RANBP2: variants seen among roughly 807,000 people sequenced by gnomAD.
RANBP2 encodes the protein RAN binding protein 2, also known as E3 SUMO-protein ligase RanBP2.
In RANBP2, 57 loss-of-function variants were observed where a neutral mutation model predicts 303.6. The ratio of observed to expected loss-of-function variants is 0.19; its 90% CI spans 0.15 to 0.23. The LOEUF is 0.23. Ranked by LOEUF, RANBP2 falls within the 10% of genes least tolerant of loss-of-function variation. The pLI is 1.00. For synonymous variants in RANBP2, 1,167 were observed against 1,301.5 expected (o/e 0.90, Z 2.23); for missense variants, 3,138 against 3,780.8 (o/e 0.83, Z 4.46).
the RANBP2 span, among the ~76,000 whole-genome samples, chr2:109,307,807 T>C: frequency 6.9e-6 from 1 of 145,670 alleles, no homozygotes; most frequent in Non-Finnish European, 1.5e-5. Context: ...CCACATTTTC[T>C]TAATCCAGTC....
the RANBP2 span, among the ~76,000 whole-genome samples, chr2:108,804,435 G>A: frequency 6.6e-6 from 1 of 152,042 alleles, no homozygotes; most frequent in African/African-American, 2.4e-5. Flanking sequence ...GCTTTATGAG[G>A]ACAAGAAATT....
At chr2:109,399,050 G>T in the RANBP2 span, 1 of 1,267,726 alleles carries the variant, frequency 7.9e-7, no homozygotes, top group East Asian at 2.5e-5. Context: ...GGCCGCCCCA[G>T]AACTGCCTTT....
the RANBP2 span, among the ~76,000 whole-genome samples, chr2:109,410,477 G>C: frequency 1.3e-5 from 2 of 152,336 alleles, no homozygotes; most frequent in African/African-American, 4.8e-5. Flanking sequence ...TTTACTGTTT[G>C]CTTGTGCTAA....
chr2:108,751,124 CAT>C, intron 9 of RANBP2, 138 bp from the exon 10 acceptor site: 2 of 1,445,660 alleles, frequency 1.4e-6, no homozygotes, highest in Non-Finnish European at 9.4e-7. Flanking sequence ...TTTTGCCTAA[CAT>C]AGAATTCCCT....
At chr2:109,347,917 G>T in the RANBP2 span, 1 of 1,609,182 alleles carries the variant, frequency 6.2e-7, no homozygotes. Flanking sequence ...GAAGGACAAA[G>T]ACCAAGACAA....
chr2:109,345,279 C>T, the RANBP2 span, among the ~76,000 whole-genome samples: 3 of 151,786 alleles, frequency 2.0e-5, no homozygotes, highest in African/African-American at 7.3e-5. Context: ...CTAGAGAAGG[C>T]TGATGGTGGG....
chr2:109,179,291 T>C, the RANBP2 span, among the ~76,000 whole-genome samples: 1 of 152,134 alleles, frequency 6.6e-6, no homozygotes, highest in Non-Finnish European at 1.5e-5. Flanking sequence ...TAAGAGGATA[T>C]ATAAAGAAAG....
the RANBP2 span, among the ~76,000 whole-genome samples, chr2:108,807,094 G>A: frequency 2.0e-5 from 3 of 152,114 alleles, no homozygotes. Context: ...TAATAAGCAT[G>A]TCAAAAGACA....
chr2:109,077,556 A>C, the RANBP2 span, among the ~76,000 whole-genome samples: 1 of 150,616 alleles, frequency 6.6e-6, no homozygotes, highest in African/African-American at 2.4e-5. Context: ...CAACCCATAT[A>C]TCTGATAAGG....
the RANBP2 span, chr2:109,141,674 A>G: frequency 6.5e-6 from 1 of 154,792 alleles, no homozygotes; most frequent in African/African-American, 2.4e-5. Flanking sequence ...GTGTGTCTTG[A>G]CAGAAGAGTT....
chr2:109,173,790 G>A, the RANBP2 span, among the ~76,000 whole-genome samples: 1 of 152,194 alleles, frequency 6.6e-6, no homozygotes, highest in Non-Finnish European at 1.5e-5. Flanking sequence ...GCTCAGTGTC[G>A]GCCCCTGACC....
the RANBP2 span, among the ~76,000 whole-genome samples, chr2:109,381,593 C>G: frequency 6.6e-6 from 1 of 152,014 alleles, no homozygotes. Flanking sequence ...CCTTTCACTT[C>G]TACCTTTCCT....
chr2:109,027,009 C>G, the RANBP2 span, among the ~76,000 whole-genome samples: 63 of 152,228 alleles, frequency 4.1e-4, no homozygotes, highest in Admixed American at 4.1e-3. Context: ...TCTGGGAGGC[C>G]AAAGTGGGCA....
At chr2:108,863,146 C>T in the RANBP2 span, among the ~76,000 whole-genome samples, 2 of 152,244 alleles carry the variant, frequency 1.3e-5, no homozygotes, top group African/African-American at 4.8e-5. Context: ...ATTTGAACAA[C>T]ATAATTTCTT....
the RANBP2 span, among the ~76,000 whole-genome samples, chr2:109,406,207 G>C: frequency 1.3e-5 from 2 of 152,204 alleles, no homozygotes; most frequent in African/African-American, 2.4e-5. Context: ...GTGCTCTGCT[G>C]GGGGAGGGAG....
chr2:109,526,143 G>A, the RANBP2 span, among the ~76,000 whole-genome samples: 15 of 152,086 alleles, frequency 9.9e-5, no homozygotes, highest in Non-Finnish European at 1.8e-4. Flanking sequence ...TCTTTTCACA[G>A]ATGCTATTTC....
At chr2:108,936,079 A>T in the RANBP2 span, among the ~76,000 whole-genome samples, 2 of 152,214 alleles carry the variant, frequency 1.3e-5, no homozygotes, top group Non-Finnish European at 2.9e-5. Flanking sequence ...CGGCTGGCAG[A>T]TGGTCCAGCC....
the RANBP2 span, among the ~76,000 whole-genome samples, chr2:108,936,362 C>A: frequency 6.6e-6 from 1 of 152,248 alleles, no homozygotes; most frequent in East Asian, 1.9e-4. Flanking sequence ...GCATCACGGA[C>A]AGGGAGGGGA....
At chr2:108,838,247 C>G in the RANBP2 span, among the ~76,000 whole-genome samples, 1 of 152,088 alleles carries the variant, frequency 6.6e-6, no homozygotes, top group Non-Finnish European at 1.5e-5. Flanking sequence ...TAAGAATTGG[C>G]TGGTCCAGGG....
Sources: allele counts gnomAD v4.1 joint callset (sites outside exome capture counted in the v4.1 genomes callset), GRCh38; gene constraint gnomAD v4.1.1; transcripts MANE v1.5; gene names NCBI Gene and HGNC (gene_info 2026-07-23, HGNC 2026-07-21).